Variants in SOX13 observed in about 807,000 individuals in gnomAD.
The protein encoded by SOX13 is SRY-box transcription factor 13.
In SOX13, 28 loss-of-function variants were observed where a neutral mutation model predicts 71.8. That is an observed-to-expected ratio of 0.39 (90% CI 0.29 to 0.53). The LOEUF (loss-of-function observed/expected upper bound fraction) is 0.53. Among genes scored for constraint, SOX13 ranks in the 20% least tolerant of loss-of-function variants. The probability of loss-of-function intolerance (pLI) is 0.70; values close to 1 mark genes in which losing one functional copy is unlikely to be tolerated. For missense variants in SOX13, 627 were observed against 810.3 expected, an observed-to-expected ratio of 0.77 and a Z score of 2.75; for synonymous variants, 309 against 317.8, an observed-to-expected ratio of 0.97 and a Z score of 0.29.
intron 1 of SOX13, among the ~76,000 whole-genome samples, chr1:204,105,736 G>GCGTGAACTCAACATCT (rs1402382030): frequency 6.6e-5 from 10 of 152,146 alleles, no homozygotes; most frequent in Non-Finnish European, 1.5e-4. Context: ...CCCAAAAGCT[G>GCGTGAACTCAACATCT]CGTGAACTCA....
At chr1:204,117,529 GCT>G in intron 6 of SOX13, 62 bp from the exon 7 acceptor site, 2 of 1,026,274 alleles carry the variant, frequency 1.9e-6, no homozygotes, top group Non-Finnish European at 2.9e-6. Context: ...TGTGCCATGG[GCT>G]GACCATAGCT....
At chr1:204,093,058 A>G (rs11240663) in intron 1 of SOX13, among the ~76,000 whole-genome samples, 91,130 of 151,972 alleles carry the variant, frequency 0.6, 29,118 homozygotes, top group African/African-American at 0.84. Context: ...AGTGACCCCC[A>G]TTCAGTCAAA....
chr1:204,102,086 T>C (rs1433240503), intron 1 of SOX13, among the ~76,000 whole-genome samples: 1 of 152,182 alleles, frequency 6.6e-6, no homozygotes, highest in Non-Finnish European at 1.5e-5. Context: ...GCTGCGTGTC[T>C]CCCAGAGCCT....
Position 204,117,082 on chromosome 1 carries a change from A to G in SOX13, c.592-40A>G, listed in dbSNP as rs1199547295. On this transcript the variant is annotated intron_variant, in intron 5 of 13. Transcript: ENST00000367204. ...CTGGGCAGACTGGGCACCAGGGCTA[A>G]TGTCCGTGACCCCCTCTGCCTACTC... The G allele has an allele frequency of 1.9e-6, 3 of 1,605,496 alleles. No individual in the cohort carries two copies. The Admixed American group carries it at 5.0e-5, about 27-fold the overall frequency.
intron 1 of SOX13, among the ~76,000 whole-genome samples, chr1:204,082,323 A>T (rs1428289644): frequency 6.6e-6 from 1 of 152,034 alleles, no homozygotes; most frequent in Admixed American, 6.6e-5. Context: ...CCTCCAACCC[A>T]TGGGAACCAG....
At chr1:204,075,460 A>C (rs1377377190) in intron 1 of SOX13, among the ~76,000 whole-genome samples, 1 of 152,234 alleles carries the variant, frequency 6.6e-6, no homozygotes. Flanking sequence ...GATTCAGCAC[A>C]TTTGGATTCC....
At chr1:204,095,622 A>G (rs1656237603) in intron 1 of SOX13, among the ~76,000 whole-genome samples, 1 of 152,222 alleles carries the variant, frequency 6.6e-6, no homozygotes, top group Admixed American at 6.5e-5. Context: ...CCCTGAAAGC[A>G]TAACTTATTA....
intron 6 of SOX13, 54 bp downstream of exon 6, chr1:204,117,244 C>T: frequency 6.6e-7 from 1 of 1,518,504 alleles, no homozygotes; most frequent in African/African-American, 1.4e-5. Flanking sequence ...GGAGTTGACA[C>T]CGGCCTGGAG....
rs1656860741 is a variant in SOX13, at chr1:204,123,717, G to A, written c.1288G>A (p.Ala430Thr). ...NSSHIKRPMN[A>T]FMVWAKDERR... Reference sequence around the variant, plus strand: ...CAGCCACATCAAGAGGCCCATGAACGCCTTCATGGTGTGGGCCAAGGATGA... The same window carrying A: ...CAGCCACATCAAGAGGCCCATGAACACCTTCATGGTGTGGGCCAAGGATGA... Residue 430 changes from alanine (A) to threonine (T), a missense_variant, in exon 12 of 14, where the codon GCC becomes ACC. This residue lies in a region of SOX13 where 32 missense variants were observed against 85.4 expected (regional missense o/e 0.37). Transcript: ENST00000367204. The surrounding 1 kb of genome is among the most constrained non-coding windows in gnomAD (Gnocchi z 5.0). 6.2e-7 allele frequency: 1 copy of A among 1,614,130 alleles called. No individual in the cohort carries two copies. Among genetic ancestry groups the A allele is most frequent in the Non-Finnish European group, 8.5e-7 (1 of 1,180,020 alleles).
chr1:204,080,263 C>T (rs1217954616), intron 1 of SOX13, among the ~76,000 whole-genome samples: 1 of 152,302 alleles, frequency 6.6e-6, no homozygotes, highest in East Asian at 1.9e-4. Context: ...GCATGAAGCC[C>T]TATAAACTGC....
chr1:204,123,567 C>A lies in SOX13; in HGVS notation c.1232-94C>A. The stretch of plus-strand genomic sequence containing the variant: ...GCTGTGGGAGCCTCCTCAGTGCCTC[C>A]TGCTGGTCAAGTAGGGGACGTCTCT... On this transcript the variant is annotated intron_variant, in intron 11 of 13. Transcript: ENST00000367204. This position sits in a 1 kb window ranked among gnomAD's most constrained non-coding sequence, Gnocchi z 5.0. The A allele has an allele frequency of 7.1e-7, 1 of 1,404,350 alleles. No individual in the cohort carries two copies. Among genetic ancestry groups the A allele is most frequent in the Non-Finnish European group, 9.7e-7 (1 of 1,034,988 alleles). 87.0% of individuals were successfully genotyped at this position (1,404,350 alleles called of 1,614,324 possible). A position where few individuals can be genotyped will look rare whatever the true frequency, so the allele number is the denominator to read the frequency against.
chr1:204,093,063 G>C (rs1656179245), intron 1 of SOX13, among the ~76,000 whole-genome samples: 1 of 152,296 alleles, frequency 6.6e-6, no homozygotes, highest in Admixed American at 6.5e-5. Context: ...CCCCCATTCA[G>C]TCAAAGAAGC....
At chr1:204,121,266 C>T (rs1264913520) in intron 7 of SOX13, among the ~76,000 whole-genome samples, 7 of 152,270 alleles carry the variant, frequency 4.6e-5, no homozygotes, top group Non-Finnish European at 7.4e-5. Context: ...GGATTACAGG[C>T]GTAAGCCACC....
chr1:204,124,497 T>C, intron 12 of SOX13, 144 bp from the exon 13 acceptor site: 1 of 682,542 alleles, frequency 1.5e-6, no homozygotes, highest in Non-Finnish European at 2.5e-6. Context: ...AGCACCCGTA[T>C]CGGGCCAGGC....
At chr1:204,109,128 C>G (rs1656528061) in intron 1 of SOX13, among the ~76,000 whole-genome samples, 1 of 152,156 alleles carries the variant, frequency 6.6e-6, no homozygotes, top group Non-Finnish European at 1.5e-5. Context: ...CCAGGGTGAG[C>G]TGGCCTGGGG....
At chr1:204,107,190 T>A (rs1221416843) in intron 1 of SOX13, among the ~76,000 whole-genome samples, 1 of 152,202 alleles carries the variant, frequency 6.6e-6, no homozygotes. Flanking sequence ...AGACATGGGT[T>A]ATTGTACCCA....
chr1:204,122,387 A>T lies in SOX13; in HGVS notation c.1012A>T (p.Ser338Cys). ...GCGGGACCTGCAGTCCAGCCCCCCG[A>T]GCCTGCCTCTGGGTAAGCCTCCTGC... ...PTRDLQSSPPSLPLGFLGEGD... is the reference protein window; with the variant it reads ...PTRDLQSSPPCLPLGFLGEGD... Residue 338 changes from serine to cysteine, a missense_variant, in exon 9 of 14, where the codon AGC becomes TGC. Physicochemically the swap from Ser to Cys is moderately radical, Grantham distance 112 (BLOSUM62 -1). This residue lies in a region of SOX13 where 447 missense variants were observed against 532.2 expected (regional missense o/e 0.84). Coordinates refer to ENST00000367204, the MANE Select transcript of SOX13 (RefSeq NM_005686.3). 6.4e-7 allele frequency: 1 copy of T among 1,565,006 alleles called. No homozygotes were observed. Among genetic ancestry groups the T allele is most frequent in the Non-Finnish European group, 8.7e-7 (1 of 1,155,270 alleles).
rs1656722536 is a variant in SOX13 at position 204,117,670 on chromosome 1, G to C, written c.738G>C (p.Gln246His). The C allele has an allele frequency of 6.2e-7, 1 of 1,613,598 alleles. No homozygotes were observed. The highest frequency in any genetic ancestry group is 1.7e-5 in the Admixed American group (1 of 59,964). Residue 246 changes from glutamine to histidine, a missense_variant, in exon 7 of 14, where the codon CAG (glutamine) becomes CAC (histidine). By Grantham distance (24) the Gln-to-His change is conservative. Around this residue, in one of 3 missense-constraint regions of SOX13, gnomAD observed 447 missense variants for 532.2 expected, o/e 0.84. Transcript: ENST00000367204. ...CTCTGCCTGTCACCCCTGACTCCCA[G>C]CTGGCCTTACCCATTCAGCCCATTC... The part of the protein sequence containing the change: ...HQPLPVTPDS[Q>H]LALPIQPIPC...
At chr1:204,095,422 G>C (rs1457869833) in intron 1 of SOX13, among the ~76,000 whole-genome samples, 1 of 152,008 alleles carries the variant, frequency 6.6e-6, no homozygotes, top group Non-Finnish European at 1.5e-5. Flanking sequence ...CTAGTTGGTC[G>C]GGCAGGTCTG....
Sources: gnomAD v4.1 joint callset for allele counts (sites outside exome capture counted in the v4.1 genomes callset) on GRCh38, gnomAD v4.1.1 for gene constraint, gnomAD v4.1.1 regional missense constraint, Gnocchi (gnomAD v3.1) non-coding constraint, MANE v1.5 for transcripts, NCBI Gene and HGNC (gene_info 2026-07-23, HGNC 2026-07-21) for gene names.